The following ACTR2 variants were observed in gnomAD, a reference collection of about 807,000 sequenced individuals.
ACTR2 encodes actin related protein 2, also known as actin-related protein 2.
In ACTR2, 5 loss-of-function variants were observed where a neutral mutation model predicts 50.2. The ratio of observed to expected loss-of-function variants is 0.10; its 90% confidence interval spans 0.05 to 0.21. The LOEUF is 0.21. ACTR2 is among the 10% of genes least tolerant of loss of function. The pLI is 1.00. For missense variants in ACTR2, 180 were observed against 480.6 expected (o/e 0.37, Z 5.85); for synonymous variants, 140 against 162.9 (o/e 0.86, Z 1.07).
chr2:65,234,992 G>A lies in ACTR2; in HGVS notation c.49-4860G>A, dbSNP rs1558620025. On this transcript the variant is annotated intron_variant, in intron 1 of 8. Transcript: ENST00000260641. The stretch of plus-strand genomic sequence containing the variant: ...TTTAATTCCCATATTTGAGATATTT[G>A]TGTAAATTATGACTGACATTAGGCT... 2.0e-5 allele frequency among the ~76,000 whole-genome samples: 3 copies of A among 152,210 alleles called. No individual in the cohort carries two copies. In the South Asian group the frequency reaches 6.2e-4, roughly 32 times the overall value.
At chr2:65,255,717 ATATAT>A in intron 6 of ACTR2, 23 bp downstream of exon 6, 1 of 1,585,828 alleles carries the variant, frequency 6.3e-7, no homozygotes, top group Non-Finnish European at 8.6e-7. Context: ...AGTGTATAAT[ATATAT>A]GTGTTTTAAA....
chr2:65,236,568 T>G (rs967640847), intron 1 of ACTR2, among the ~76,000 whole-genome samples: 1 of 152,004 alleles, frequency 6.6e-6, no homozygotes, highest in African/African-American at 2.4e-5. Context: ...TTTGTTTTTT[T>G]GGGTTTTGTT....
At chr2:65,252,870 G>A (rs1672080133) in intron 4 of ACTR2, among the ~76,000 whole-genome samples, 1 of 152,174 alleles carries the variant, frequency 6.6e-6, no homozygotes, top group South Asian at 2.1e-4. Flanking sequence ...GAGAGGCTGA[G>A]GTGAGATGAT....
intron 1 of ACTR2, among the ~76,000 whole-genome samples, chr2:65,229,465 G>C (rs1239477256): frequency 6.6e-6 from 1 of 151,880 alleles, no homozygotes; most frequent in East Asian, 1.9e-4. Context: ...GAGTGTTAAC[G>C]TACATTGAGG....
intron 2 of ACTR2, among the ~76,000 whole-genome samples, chr2:65,244,478 C>T (rs2103994822): frequency 1.3e-5 from 2 of 152,186 alleles, no homozygotes; most frequent in Middle Eastern, 6.8e-3. Context: ...TAATATATAT[C>T]ATACTGATTT....
At chr2:65,263,012 A>G (rs1328886307) in intron 7 of ACTR2, among the ~76,000 whole-genome samples, 8 of 150,844 alleles carry the variant, frequency 5.3e-5, no homozygotes, top group Non-Finnish European at 1.2e-4. Flanking sequence ...ACATATATAT[A>G]TATATAAAAC....
chr2:65,243,429 A>G (rs1671878874), intron 2 of ACTR2, among the ~76,000 whole-genome samples: 1 of 152,148 alleles, frequency 6.6e-6, no homozygotes, highest in Non-Finnish European at 1.5e-5. Flanking sequence ...CAGGAGTTCA[A>G]GACCATCCTG....
chr2:65,257,216 T>C (rs927563881), intron 6 of ACTR2, among the ~76,000 whole-genome samples: 1 of 152,012 alleles, frequency 6.6e-6, no homozygotes, highest in Non-Finnish European at 1.5e-5. Context: ...TCTGTTCCTG[T>C]GTTAATTTGC....
intron 2 of ACTR2, among the ~76,000 whole-genome samples, 180 bp downstream of exon 2, chr2:65,240,142 T>TA (rs1671813816): frequency 6.6e-6 from 1 of 152,224 alleles, no homozygotes; most frequent in African/African-American, 2.4e-5. Context: ...AAATTGAAGT[T>TA]AATTTCATCT....
At chr2:65,240,778 C>T (rs1433247394) in intron 2 of ACTR2, among the ~76,000 whole-genome samples, 1 of 152,122 alleles carries the variant, frequency 6.6e-6, no homozygotes, top group South Asian at 2.1e-4. Context: ...TTTGTGAACA[C>T]GCTAGCATTG....
intron 1 of ACTR2, among the ~76,000 whole-genome samples, chr2:65,231,964 G>A (rs924540136): frequency 1.3e-5 from 2 of 152,230 alleles, no homozygotes; most frequent in African/African-American, 2.4e-5. Flanking sequence ...AAACAAGTTT[G>A]TACTTACGAT....
chr2:65,229,625 G>C (rs1265186907), intron 1 of ACTR2, among the ~76,000 whole-genome samples: 1 of 151,782 alleles, frequency 6.6e-6, no homozygotes, highest in Non-Finnish European at 1.5e-5. Context: ...GCATGGTGGT[G>C]GGCGTCTGTA....
intron 7 of ACTR2, among the ~76,000 whole-genome samples, chr2:65,264,826 GTATTT>G (rs749056577): frequency 1.3e-5 from 2 of 152,142 alleles, no homozygotes; most frequent in Non-Finnish European, 2.9e-5. Flanking sequence ...ACTTTTAGAA[GTATTT>G]TATTTTCATC....
At chr2:65,233,391 A>G (rs1247881941) in intron 1 of ACTR2, among the ~76,000 whole-genome samples, 2 of 151,910 alleles carry the variant, frequency 1.3e-5, no homozygotes, top group Non-Finnish European at 2.9e-5. Flanking sequence ...ACAGTGGTTG[A>G]TGCCTATAAT....
At chr2:65,260,522 G>C (rs1340494663) in intron 6 of ACTR2, among the ~76,000 whole-genome samples, 1 of 152,120 alleles carries the variant, frequency 6.6e-6, no homozygotes, top group Non-Finnish European at 1.5e-5. Context: ...CAGTCAATCA[G>C]TGTTTTAACA....
intron 7 of ACTR2, among the ~76,000 whole-genome samples, chr2:65,262,261 ACTCT>A (rs1173873574): frequency 6.6e-6 from 1 of 151,850 alleles, no homozygotes; most frequent in Non-Finnish European, 1.5e-5. Flanking sequence ...ACGGAATGTC[ACTCT>A]CTCACCCAGG....
Position 65,265,188 on chromosome 2 carries a change from A to C in ACTR2, c.1014+13A>C. 1 of 1,613,698 alleles carries C rather than the reference A, an allele frequency of 6.2e-7. No homozygotes were observed. The highest frequency in any genetic ancestry group is 8.5e-7 in the Non-Finnish European group (1 of 1,179,542). ...GGAAAAACTTTCTGTAAGTATTAGT[A>C]AATCAACTATTACTAACATTCTTTT... On this transcript the variant is annotated intron_variant, in intron 8 of 8. Transcript: ENST00000260641.
intron 1 of ACTR2, 68 bp from the exon 2 acceptor site, chr2:65,239,784 A>G: frequency 1.0e-6 from 1 of 981,456 alleles, no homozygotes; most frequent in Non-Finnish European, 1.6e-6. Context: ...GATATTTTTC[A>G]GATGCTGTCT....
At chr2:65,257,261 T>C (rs555492767) in intron 6 of ACTR2, among the ~76,000 whole-genome samples, 15 of 152,326 alleles carry the variant, frequency 9.8e-5, no homozygotes, top group African/African-American at 3.4e-4. Context: ...CCCATGCCCC[T>C]GTAAAGGACA....
Sources: allele counts gnomAD v4.1 joint callset (sites outside exome capture counted in the v4.1 genomes callset), GRCh38; gene constraint gnomAD v4.1.1; transcripts MANE v1.5; gene names NCBI Gene and HGNC (gene_info 2026-07-23, HGNC 2026-07-21).